POU6F2: variants seen among roughly 807,000 people sequenced by gnomAD.
POU6F2 encodes POU class 6 homeobox 2.
In POU6F2, 31 loss-of-function variants were observed where a neutral mutation model predicts 71.3. The ratio of observed to expected loss-of-function variants is 0.43; its 90% CI spans 0.33 to 0.59. The LOEUF (loss-of-function observed/expected upper bound fraction) is 0.59, where lower values mean the gene tolerates loss of function less well. Ranked by LOEUF, POU6F2 falls within the 20% of genes least tolerant of loss-of-function variation. The pLI, the probability that POU6F2 is intolerant of heterozygous loss-of-function variation, is 0.04. For synonymous variants in POU6F2, 347 were observed against 355.7 expected (o/e 0.98, Z 0.27); for missense variants, 783 against 856.8 (o/e 0.91, Z 1.07).
intron 2 of POU6F2, among the ~76,000 whole-genome samples, chr7:39,137,202 T>C (rs1004248008): frequency 1.3e-5 from 2 of 152,184 alleles, no homozygotes; most frequent in Non-Finnish European, 2.9e-5. Context: ...CTAATTACCC[T>C]GATTTGATAA....
intron 1 of POU6F2, among the ~76,000 whole-genome samples, chr7:39,012,514 T>A (rs1315527628): frequency 1.3e-5 from 2 of 151,710 alleles, no homozygotes; most frequent in Non-Finnish European, 2.9e-5. Context: ...GAAGCCTTCT[T>A]CTCTCAGCTC....
At chr7:39,170,434 A>G (rs1288972324) in intron 2 of POU6F2, among the ~76,000 whole-genome samples, 2 of 152,184 alleles carry the variant, frequency 1.3e-5, no homozygotes, top group African/African-American at 4.8e-5. Flanking sequence ...ATGAATTCAT[A>G]TGGCTAGGAC....
At chr7:39,068,507 A>ATATATATATATATATATATATAT (rs1554315102) in intron 1 of POU6F2, among the ~76,000 whole-genome samples, 2 of 149,084 alleles carry the variant, frequency 1.3e-5, no homozygotes, top group African/African-American at 4.9e-5. Flanking sequence ...ATATATATAT[A>ATATATATATATATATATATATAT]ATTTTCATAA....
intron 1 of POU6F2, among the ~76,000 whole-genome samples, chr7:39,028,574 A>G (rs1789869059): frequency 1.3e-5 from 2 of 152,114 alleles, no homozygotes; most frequent in African/African-American, 2.4e-5. Flanking sequence ...ATTTACTTAT[A>G]TTTGTTGATA....
intron 1 of POU6F2, among the ~76,000 whole-genome samples, chr7:39,029,255 G>A (rs142948438): frequency 1.6e-4 from 24 of 152,016 alleles, no homozygotes; most frequent in African/African-American, 5.1e-4. Context: ...AAACTTTCTA[G>A]TATTTTGTTT....
At chr7:39,182,671 TG>T (rs1793456963) in intron 2 of POU6F2, among the ~76,000 whole-genome samples, 1 of 152,186 alleles carries the variant, frequency 6.6e-6, no homozygotes, top group Admixed American at 6.5e-5. Flanking sequence ...GTTTAACTCC[TG>T]GGCTCTTTTC....
At chr7:39,272,430 A>G (rs1055691627) in intron 4 of POU6F2, among the ~76,000 whole-genome samples, 1 of 152,164 alleles carries the variant, frequency 6.6e-6, no homozygotes, top group Non-Finnish European at 1.5e-5. Flanking sequence ...AGACCAGCAT[A>G]ATATTTTATT....
At chr7:39,189,699 C>A (rs1278981594) in intron 2 of POU6F2, among the ~76,000 whole-genome samples, 1 of 151,912 alleles carries the variant, frequency 6.6e-6, no homozygotes, top group Non-Finnish European at 1.5e-5. Flanking sequence ...CATGCCCAGC[C>A]AAATAGTTTT....
intron 4 of POU6F2, among the ~76,000 whole-genome samples, chr7:39,297,827 A>G (rs749997174): frequency 1.3e-5 from 2 of 152,166 alleles, no homozygotes; most frequent in African/African-American, 2.4e-5. Flanking sequence ...ATGGAACAAA[A>G]CAGAGACCTC....
chr7:39,366,345 A>T (rs1288382919), intron 5 of POU6F2, among the ~76,000 whole-genome samples: 1 of 152,024 alleles, frequency 6.6e-6, no homozygotes, highest in East Asian at 1.9e-4. Context: ...TTGGAAGGAG[A>T]TAAATATCAC....
chr7:39,377,274 G>A (rs1266374751), intron 5 of POU6F2, among the ~76,000 whole-genome samples: 1 of 151,796 alleles, frequency 6.6e-6, no homozygotes, highest in African/African-American at 2.4e-5. Flanking sequence ...GGGATTACAG[G>A]TGCACACCAC....
intron 2 of POU6F2, among the ~76,000 whole-genome samples, chr7:39,089,099 A>G (rs967231986): frequency 3.3e-5 from 5 of 152,212 alleles, no homozygotes; most frequent in Non-Finnish European, 7.3e-5. Context: ...TAGAAAGTTC[A>G]GAAAAGGGCC....
chr7:39,003,724 G>T (rs1226156447), intron 1 of POU6F2, among the ~76,000 whole-genome samples: 1 of 151,742 alleles, frequency 6.6e-6, no homozygotes, highest in South Asian at 2.1e-4. Flanking sequence ...ACTCCAGCCT[G>T]GGCGACAGAG....
At chr7:39,438,406 ACATGTG>A (rs1788304423) in intron 7 of POU6F2, among the ~76,000 whole-genome samples, 1 of 152,184 alleles carries the variant, frequency 6.6e-6, no homozygotes, top group African/African-American at 2.4e-5. Flanking sequence ...CAATAAACAT[ACATGTG>A]CATGTGTCTT....
At position 39,252,877 on chromosome 7, in the gene POU6F2, T is replaced by A. The variant is rs545366240; in HGVS notation, c.598+45257T>A. Among the ~76,000 whole-genome samples the A allele has an allele frequency of 6.0e-4, 92 of 152,310 alleles. 2 individuals are homozygous for A. The South Asian group carries it at 0.019, about 32-fold the overall frequency. On this transcript the variant is annotated intron_variant, in intron 4 of 9. Coordinates refer to ENST00000518318, the MANE Select transcript of POU6F2 (RefSeq NM_001370959.1). The stretch of plus-strand genomic sequence containing the variant: ...CACCTTATGCCCTGACCCTGCTTTA[T>A]TTTAGCTATAGCTCTTAACACTATG...
intron 5 of POU6F2, among the ~76,000 whole-genome samples, chr7:39,346,712 A>G (rs561300398): frequency 1.3e-5 from 2 of 152,370 alleles, no homozygotes; most frequent in African/African-American, 4.8e-5. Flanking sequence ...CTGAATGAGC[A>G]GTGCTTGGCC....
intron 1 of POU6F2, among the ~76,000 whole-genome samples, chr7:39,005,483 C>CGTGTGTGTGTGTGTGTGTGTGTGT (rs1562664637): frequency 1.6e-4 from 2 of 12,358 alleles, no homozygotes; most frequent in Non-Finnish European, 7.5e-4. Context: ...AAGGGAGAAA[C>CGTGTGTGTGTGTGTGTGTGTGTGT]CTGTGTGTGT....
chr7:39,005,831 T>G (rs1789049519), intron 1 of POU6F2, among the ~76,000 whole-genome samples: 1 of 152,196 alleles, frequency 6.6e-6, no homozygotes, highest in Non-Finnish European at 1.5e-5. Flanking sequence ...TGCAAGTTTA[T>G]GTTTATATCC....
chr7:39,024,940 T>C (rs893562404), intron 1 of POU6F2, among the ~76,000 whole-genome samples: 8 of 152,282 alleles, frequency 5.3e-5, no homozygotes, highest in Admixed American at 3.3e-4. Flanking sequence ...CATCAATGTT[T>C]ATCAAGGATA....
Sources: allele counts gnomAD v4.1 joint callset (sites outside exome capture counted in the v4.1 genomes callset), GRCh38; gene constraint gnomAD v4.1.1; transcripts MANE v1.5; gene names NCBI Gene and HGNC (gene_info 2026-07-23, HGNC 2026-07-21).